Variants in TPR observed in about 807,000 individuals in gnomAD.
TPR encodes the protein nucleoprotein TPR.
Under a neutral mutation model 316.1 loss-of-function variants are expected in TPR, and 51 were observed. The ratio of observed to expected loss-of-function variants is 0.16; its 90% CI spans 0.13 to 0.20. TPR has a LOEUF of 0.20. Among genes scored for constraint, TPR ranks in the 10% least tolerant of loss-of-function variants. The pLI is 1.00. For missense variants in TPR, 2,272 were observed against 2,754.8 expected (o/e 0.82, Z 3.92); for synonymous variants, 981 against 914.7 (o/e 1.07, Z -1.31).
At chr1:186,373,563 A>G in intron 1 of TPR, 100 bp from the exon 2 acceptor site, 1 of 681,716 alleles carries the variant, frequency 1.5e-6, no homozygotes, top group Non-Finnish European at 2.4e-6. Flanking sequence ...TTAAAACTTA[A>G]GATACAGTAT....
At chr1:186,344,975 T>C (rs961899322) in intron 24 of TPR, among the ~76,000 whole-genome samples, 2 of 152,160 alleles carry the variant, frequency 1.3e-5, no homozygotes, top group Admixed American at 6.5e-5. Flanking sequence ...GCTATTAACA[T>C]GACACCCAAC....
rs1297163148 is a variant in TPR, at chr1:186,363,217, T to C, written c.531+125A>G. ...ACTAGAATTGTCCTAATGCTTAATT[T>C]TCTGACATTAAAAACAAAACAAAAT... On this transcript the variant is annotated intron_variant, in intron 5 of 50. Transcript: ENST00000367478. The C allele has an allele frequency of 5.9e-6, 6 of 1,017,954 alleles. No homozygotes were observed. The African/African-American group carries it at 9.9e-5, about 17-fold the overall frequency. The allele number at this position is 1,017,954 out of a possible 1,614,324, so 63.1% of individuals were successfully genotyped here. A position where few individuals can be genotyped will look rare whatever the true frequency, so the allele number is the denominator to read the frequency against.
In TPR at chr1:186,357,548, C is replaced by T; in HGVS notation, c.1573G>A (p.Asp525Asn). The T allele has an allele frequency of 6.2e-7, 1 of 1,614,012 alleles. No homozygotes were observed. Among genetic ancestry groups the T allele is most frequent in the Non-Finnish European group, 8.5e-7 (1 of 1,180,018 alleles). The change falls in exon 14 of 51, where the codon GAT becomes AAT. Residue 525 changes from aspartate (D) to asparagine (N), a missense_variant. This residue lies in a region of TPR where 11 missense variants were observed against 36.7 expected (regional missense o/e 0.30). Transcript: ENST00000367478. ...ATTACCTCAGATGAACTACTTATAT[C>T]AGCAGAGCTTACTTCCTCATCACGA... ...VIRDEEVSSADISSSSEVISQ... is the reference protein window; with the variant it reads ...VIRDEEVSSANISSSSEVISQ...
intron 39 of TPR, among the ~76,000 whole-genome samples, chr1:186,331,124 G>C (rs1454961867): frequency 1.3e-5 from 2 of 152,000 alleles, no homozygotes; most frequent in Middle Eastern, 3.2e-3. Context: ...CTTTAATTCT[G>C]TAAGGGAAAT....
intron 12 of TPR, among the ~76,000 whole-genome samples, chr1:186,359,459 TAGG>T (rs1376221060): frequency 6.6e-6 from 1 of 152,010 alleles, no homozygotes; most frequent in Non-Finnish European, 1.5e-5. Flanking sequence ...TTATGGCAAA[TAGG>T]AGAGTTTTAT....
chr1:186,360,513 A>G, intron 10 of TPR, 149 bp from the exon 11 acceptor site: 1 of 952,452 alleles, frequency 1.0e-6, no homozygotes, highest in South Asian at 1.8e-5. Flanking sequence ...GTCATGTAAC[A>G]CATCTAATTC....
Position 186,323,848 on chromosome 1 carries a change from T to C in TPR, c.6135A>G (p.Ala2045=), listed in dbSNP as rs368488572. 6.5e-7 allele frequency: 1 copy of C among 1,546,976 alleles called. No homozygotes were observed. Among genetic ancestry groups the C allele is most frequent in the Admixed American group, 2.3e-5 (1 of 43,996 alleles). ...QNSGEGNTGA[A]ESSFSQEVSR... is the part of the protein sequence containing the mutation. ...AAACCTCCTGAGAAAAAGAAGATTCTGCAGCACCTGTATTTCCTTCACCTG... is the reference window on the plus strand; with the variant it reads ...AAACCTCCTGAGAAAAAGAAGATTCCGCAGCACCTGTATTTCCTTCACCTG... The change falls in exon 43 of 51, where the codon GCA becomes GCG. Residue 2045 remains alanine, a synonymous_variant. Transcript: ENST00000367478.
At position 186,343,359 on chromosome 1, in the gene TPR, T is replaced by G; in HGVS notation, c.3717A>C (p.Gln1239His). The G allele has an allele frequency of 6.2e-7, 1 of 1,614,032 alleles. No individual in the cohort carries two copies. The highest frequency in any genetic ancestry group is 8.5e-7 in the Non-Finnish European group (1 of 1,179,970). ...TCTCCCTTTCAGCATTTAGACTATC[T>G]TGCAGTTCCTGCAGCTCTCTTTCTA... Reference protein sequence around the residue: ...ELLERELQELQDSLNAEREKV... With the variant: ...ELLERELQELHDSLNAEREKV... The change falls in exon 27 of 51, where the codon CAA becomes CAC. Residue 1239 changes from glutamine to histidine, a missense_variant. Gln to His is a conservative substitution (Grantham distance 24, BLOSUM62 0). This residue lies in a region of TPR where 757 missense variants were observed against 859.8 expected (regional missense o/e 0.88). Coordinates refer to ENST00000367478, the MANE Select transcript of TPR (RefSeq NM_003292.3).
rs141140482 is a variant in TPR, at chr1:186,345,179, A to G, written c.3213+401T>C. 1.7e-3 allele frequency among the ~76,000 whole-genome samples: 265 copies of G among 152,304 alleles called. 4 individuals are homozygous for G. In the East Asian group the frequency reaches 0.048, roughly 28 times the overall value. The stretch of plus-strand genomic sequence containing the variant: ...TTAACATTTTATAAATAGTATATAG[A>G]TATCTGCGCAAACTTGGTAATGCAT... On this transcript the variant is annotated intron_variant, in intron 24 of 50. Transcript: ENST00000367478.
chr1:186,342,978 A>T (rs1277301382), intron 27 of TPR: 1 of 176,270 alleles, frequency 5.7e-6, no homozygotes, highest in Non-Finnish European at 1.2e-5. Context: ...TTAAGCACCC[A>T]CTACATACCA....
At chr1:186,340,229 G>T (rs924207159) in intron 29 of TPR, among the ~76,000 whole-genome samples, 4 of 152,114 alleles carry the variant, frequency 2.6e-5, no homozygotes, top group Non-Finnish European at 5.9e-5. Flanking sequence ...GGTGATAAGG[G>T]AAAACTAAAG....
At chr1:186,348,160 C>T (rs1312954160) in intron 21 of TPR, among the ~76,000 whole-genome samples, 2 of 152,070 alleles carry the variant, frequency 1.3e-5, no homozygotes, top group East Asian at 1.9e-4. Flanking sequence ...GGCCTATAAA[C>T]GGACGTGCAA....
In TPR at chr1:186,370,983, T is replaced by G. The variant is rs998545344; in HGVS notation, c.317A>C (p.Asn106Thr). 1 of 1,612,710 alleles carries G rather than the reference T, an allele frequency of 6.2e-7. No homozygotes were observed. Among genetic ancestry groups the G allele is most frequent in the African/African-American group, 1.3e-5 (1 of 74,900 alleles). Residue 106 changes from asparagine to threonine, a missense_variant, in exon 3 of 51, where the codon AAT becomes ACT. This residue lies in a region of TPR where 549 missense variants were observed against 598.6 expected (regional missense o/e 0.92). Transcript: ENST00000367478. ...NKELEIAQDR[N>T]IAIQSQFTRT... ...AATATCTCTTACCTGAATGGCAATA[T>G]TGCGATCCTGAGCAATTTCAAGTTC... is the stretch of plus-strand genomic sequence containing the variant.
At chr1:186,347,587 T>C in intron 21 of TPR, 129 bp from the exon 22 acceptor site, 1 of 927,558 alleles carries the variant, frequency 1.1e-6, no homozygotes, top group Non-Finnish European at 1.5e-6. Flanking sequence ...TTTCAATCCA[T>C]GCCGAATACC....
At position 186,375,131 on chromosome 1, in the gene TPR, C is replaced by T. The variant is rs1168854948; in HGVS notation, c.-103G>A. 6.4e-7 allele frequency: 1 copy of T among 1,560,172 alleles called. No homozygotes were observed. ...CAGACGCCTGGGCCGCCGCCTCTAT[C>T]ACCTCGCTCGGTGGCTCGCGCGCGC... On this transcript the variant is annotated 5_prime_UTR_variant, in exon 1 of 51. Coordinates refer to ENST00000367478, the MANE Select transcript of TPR (RefSeq NM_003292.3).
rs894869414 is a variant in TPR at position 186,311,979 on chromosome 1, TATTC to T, written c.*1988_*1991del. 5 of 578,856 alleles carry T rather than the reference TATTC, an allele frequency of 8.6e-6. No individual in the cohort carries two copies. The highest frequency in any genetic ancestry group is 2.3e-5 in the South Asian group (1 of 43,776). The allele number at this position is 578,856 out of a possible 1,614,324, so 35.9% of individuals were successfully genotyped here. On this transcript the variant is annotated 3_prime_UTR_variant, in exon 51 of 51. Transcript: ENST00000367478. The stretch of plus-strand genomic sequence containing the variant: ...ATATAACTATGTAATTTGCTGCATC[TATTC>T]ATTCAACAAGTATTTCAGTTTAATA...
Position 186,336,672 on chromosome 1 carries a change from T to G in TPR, c.4529A>C (p.Glu1510Ala), listed in dbSNP as rs770537475. ...LQKTLSEKET[E>A]ARNLQEQTVQ... ...AGTCTGTTCCTGGAGATTTCTTGCT[T>G]CTGTCTCTTTTTCAGATAATGTCTT... is the stretch of plus-strand genomic sequence containing the variant. Residue 1510 changes from glutamate to alanine, a missense_variant, in exon 33 of 51, where the codon GAA (glutamate) becomes GCA (alanine). This residue lies in a region of TPR where 101 missense variants were observed against 113.0 expected (regional missense o/e 0.89). Coordinates refer to ENST00000367478, the MANE Select transcript of TPR (RefSeq NM_003292.3). 1.5e-5 allele frequency: 25 copies of G among 1,613,382 alleles called. No homozygotes were observed. Among genetic ancestry groups the G allele is most frequent in the Non-Finnish European group, 1.6e-5 (19 of 1,179,786 alleles).
intron 29 of TPR, among the ~76,000 whole-genome samples, chr1:186,340,564 T>C (rs1416160706): frequency 2.0e-5 from 3 of 151,970 alleles, no homozygotes; most frequent in African/African-American, 7.3e-5. Context: ...CCCAAGTAGA[T>C]GGGACTACAG....
chr1:186,362,807 A>G lies in TPR; in HGVS notation c.696+30T>C, dbSNP rs769510346. 2.6e-5 allele frequency: 40 copies of G among 1,560,488 alleles called. No individual in the cohort carries two copies. In the South Asian group the frequency reaches 4.0e-4, roughly 16 times the overall value. ...CATACAAATGTAAGTTATACTCAAC[A>G]TGAAGAAAAACACAATTTTACTAAC... On this transcript the variant is annotated intron_variant, in intron 6 of 50. Transcript: ENST00000367478.
Sources: allele counts gnomAD v4.1 joint callset (sites outside exome capture counted in the v4.1 genomes callset), GRCh38; gene constraint gnomAD v4.1.1; regional missense constraint gnomAD v4.1.1; transcripts MANE v1.5; gene names NCBI Gene and HGNC (gene_info 2026-07-23, HGNC 2026-07-21).